The following CADM2 variants were observed in gnomAD, a reference collection of about 807,000 sequenced individuals.
CADM2 encodes the protein cell adhesion molecule 2.
CADM2 carries 12 observed loss-of-function variants against 49.8 expected under a neutral mutation model. The observed-to-expected ratio is 0.24, with a 90% CI of 0.15 to 0.39. The LOEUF (loss-of-function observed/expected upper bound fraction) is 0.39, where lower values mean the gene tolerates loss of function less well. Ranked by LOEUF, CADM2 falls within the 10% of genes least tolerant of loss-of-function variation. The probability of loss-of-function intolerance (pLI) is 1.00; values close to 1 mark genes in which losing one functional copy is unlikely to be tolerated. For synonymous variants in CADM2, 214 were observed against 175.4 expected, an observed-to-expected ratio of 1.22 and a Z score of -1.74; for missense variants, 378 against 492.3, an observed-to-expected ratio of 0.77 and a Z score of 2.20.
intron 1 of CADM2, among the ~76,000 whole-genome samples, chr3:85,236,044 G>T (rs2042399944): frequency 6.6e-6 from 1 of 152,116 alleles, no homozygotes; most frequent in South Asian, 2.1e-4. Flanking sequence ...GCCTAGGAAA[G>T]GTTCTGTTAT....
intron 8 of CADM2, among the ~76,000 whole-genome samples, chr3:86,007,104 AC>A (rs1459568835): frequency 9.4e-6 from 1 of 106,198 alleles, no homozygotes; most frequent in African/African-American, 3.6e-5. Flanking sequence ...CTTTTCTCCC[AC>A]CCCCACCCCC....
At chr3:85,335,340 T>C (rs538591418) in intron 1 of CADM2, among the ~76,000 whole-genome samples, 2 of 151,558 alleles carry the variant, frequency 1.3e-5, no homozygotes, top group East Asian at 1.9e-4. Flanking sequence ...ATAAACACTT[T>C]ATTTGATTTT....
At chr3:85,438,220 CA>C (rs2037024048) in intron 1 of CADM2, among the ~76,000 whole-genome samples, 1 of 151,850 alleles carries the variant, frequency 6.6e-6, no homozygotes, top group South Asian at 2.1e-4. Context: ...ATGATCTTAA[CA>C]AAAAAATTTA....
At chr3:85,225,427 C>T (rs2042136577) in intron 1 of CADM2, among the ~76,000 whole-genome samples, 1 of 152,122 alleles carries the variant, frequency 6.6e-6, no homozygotes, top group Non-Finnish European at 1.5e-5. Flanking sequence ...TATAGGAATG[C>T]TTCTGATTTT....
intron 1 of CADM2, among the ~76,000 whole-genome samples, chr3:85,377,881 A>C (rs1406914300): frequency 6.6e-6 from 1 of 152,046 alleles, no homozygotes; most frequent in Non-Finnish European, 1.5e-5. Flanking sequence ...TCAGAAAATC[A>C]AAATTCGATG....
chr3:85,526,942 G>A (rs1426502314), intron 1 of CADM2, among the ~76,000 whole-genome samples: 2 of 152,142 alleles, frequency 1.3e-5, no homozygotes, highest in Admixed American at 6.6e-5. Context: ...GTTTTAATCT[G>A]TGATTTTTTA....
At chr3:85,885,504 C>T (rs1393447269) in intron 4 of CADM2, among the ~76,000 whole-genome samples, 1 of 151,828 alleles carries the variant, frequency 6.6e-6, no homozygotes, top group Non-Finnish European at 1.5e-5. Flanking sequence ...ACCACCCCCA[C>T]CTCCCCGTAT....
At chr3:85,050,429 C>T (rs566754363) in intron 1 of CADM2, among the ~76,000 whole-genome samples, 1 of 152,180 alleles carries the variant, frequency 6.6e-6, no homozygotes, top group East Asian at 1.9e-4. Flanking sequence ...TGGACCAGAA[C>T]AAAATGCAGC....
intron 1 of CADM2, among the ~76,000 whole-genome samples, chr3:85,099,416 C>A (rs1035613096): frequency 6.6e-6 from 1 of 151,768 alleles, no homozygotes; most frequent in African/African-American, 2.4e-5. Context: ...GAGACACTTA[C>A]TTATAAGTTC....
At chr3:85,152,122 AG>A (rs1168736638) in intron 1 of CADM2, among the ~76,000 whole-genome samples, 1 of 152,108 alleles carries the variant, frequency 6.6e-6, no homozygotes, top group African/African-American at 2.4e-5. Flanking sequence ...GAGACTACCC[AG>A]GGACCATTTT....
At chr3:85,120,117 A>G (rs2038797876) in intron 1 of CADM2, among the ~76,000 whole-genome samples, 1 of 152,254 alleles carries the variant, frequency 6.6e-6, no homozygotes, top group Admixed American at 6.5e-5. Flanking sequence ...AGAGAAATGC[A>G]AATCAAAACC....
intron 1 of CADM2, among the ~76,000 whole-genome samples, chr3:85,090,861 C>T (rs1367807956): frequency 6.6e-6 from 1 of 152,174 alleles, no homozygotes; most frequent in African/African-American, 2.4e-5. Context: ...GGAACACTTT[C>T]ATCCCAAAAC....
intron 7 of CADM2, among the ~76,000 whole-genome samples, chr3:85,943,564 T>G (rs1463994967): frequency 6.6e-6 from 1 of 151,620 alleles, no homozygotes; most frequent in Non-Finnish European, 1.5e-5. Context: ...GGCTAGCCAG[T>G]TTTCCCAGCA....
At chr3:84,994,962 G>A (rs548941365) in intron 1 of CADM2, among the ~76,000 whole-genome samples, 106 of 152,144 alleles carry the variant, frequency 7.0e-4, no homozygotes, top group South Asian at 6.8e-3. Flanking sequence ...GGAAGGCAGC[G>A]GAGGTTTCAG....
At chr3:85,064,944 C>T (rs1367689258) in intron 1 of CADM2, among the ~76,000 whole-genome samples, 2 of 152,060 alleles carry the variant, frequency 1.3e-5, no homozygotes, top group African/African-American at 4.8e-5. Flanking sequence ...TTTAAGAGTA[C>T]TTATCTTTTC....
At chr3:85,598,853 G>A (rs201566970) in intron 1 of CADM2, among the ~76,000 whole-genome samples, 5 of 45,138 alleles carry the variant, frequency 1.1e-4, no homozygotes, top group African/African-American at 1.9e-4. Flanking sequence ...GTGTGTGTGT[G>A]TGTATATATA....
chr3:85,179,980 A>G (rs1206795898), intron 1 of CADM2, among the ~76,000 whole-genome samples: 2 of 152,126 alleles, frequency 1.3e-5, no homozygotes, highest in Non-Finnish European at 2.9e-5. Context: ...TGCTACAGGC[A>G]CTGGGGATAC....
rs541427606 is a variant in CADM2 at position 85,374,240 on chromosome 3, G to A, written c.62-352282G>A. Among the ~76,000 whole-genome samples, 7 of 152,190 alleles carry A rather than the reference G, an allele frequency of 4.6e-5. 1 individual carries two copies. Among genetic ancestry groups the A allele is most frequent in the African/African-American group, 1.7e-4 (7 of 41,526 alleles). On this transcript the variant is annotated intron_variant, in intron 1 of 9. Transcript: ENST00000383699. ...ACATCTTGAATGATTTACTGCTTAG[G>A]AATTTATTCTGCCAGATACCCTAAA...
At chr3:85,945,458 G>A (rs182191037) in intron 7 of CADM2, among the ~76,000 whole-genome samples, 93 of 151,856 alleles carry the variant, frequency 6.1e-4, no homozygotes, top group Admixed American at 2.4e-3. Context: ...TACCAAAGCC[G>A]GGCAGAGACA....
Sources: allele counts gnomAD v4.1 joint callset (sites outside exome capture counted in the v4.1 genomes callset), GRCh38; gene constraint gnomAD v4.1.1; transcripts MANE v1.5; gene names NCBI Gene and HGNC (gene_info 2026-07-23, HGNC 2026-07-21).